The following ROBO2 variants were observed in gnomAD, a reference collection of about 807,000 sequenced individuals.
ROBO2 encodes the protein roundabout guidance receptor 2, also known as roundabout homolog 2.
A neutral mutation model predicts 160.8 loss-of-function variants in ROBO2; 53 were observed. The observed-to-expected ratio is 0.33, with a 90% CI of 0.26 to 0.41. The LOEUF (loss-of-function observed/expected upper bound fraction) is 0.41, where lower values mean the gene tolerates loss of function less well. Among genes scored for constraint, ROBO2 ranks in the 10% least tolerant of loss-of-function variants. The pLI is 1.00. For missense variants in ROBO2, 1,577 were observed against 1,722.4 expected (o/e 0.92, Z 1.49); for synonymous variants, 664 against 611.7 (o/e 1.09, Z -1.26).
At chr3:76,161,773 C>G (rs989404205) in intron 2 of ROBO2, among the ~76,000 whole-genome samples, 3 of 152,104 alleles carry the variant, frequency 2.0e-5, no homozygotes, top group Non-Finnish European at 2.9e-5. Context: ...AAAATTTATT[C>G]CATTTCACCA....
At chr3:77,505,436 G>A (rs942756649) in intron 5 of ROBO2, among the ~76,000 whole-genome samples, 1 of 152,070 alleles carries the variant, frequency 6.6e-6, no homozygotes, top group African/African-American at 2.4e-5. Flanking sequence ...TGGTCAAAAG[G>A]TGGTGTGTTC....
chr3:76,868,931 CT>C (rs1366878126), intron 2 of ROBO2, among the ~76,000 whole-genome samples: 1 of 152,012 alleles, frequency 6.6e-6, no homozygotes, highest in East Asian at 1.9e-4. Flanking sequence ...ACCAGAATAA[CT>C]TTTTTCAGAA....
At chr3:76,641,856 G>C (rs1355276657) in intron 2 of ROBO2, among the ~76,000 whole-genome samples, 2 of 152,072 alleles carry the variant, frequency 1.3e-5, no homozygotes, top group African/African-American at 4.8e-5. Flanking sequence ...TCCCACCTCA[G>C]CCTCCCGAGC....
intron 2 of ROBO2, among the ~76,000 whole-genome samples, chr3:76,589,541 G>C (rs565464208): frequency 1.3e-5 from 2 of 152,264 alleles, no homozygotes; most frequent in Admixed American, 6.5e-5. Context: ...TGTTGCACAA[G>C]TAGAGACACA....
intron 2 of ROBO2, among the ~76,000 whole-genome samples, chr3:76,368,660 T>C (rs2108460204): frequency 6.6e-6 from 1 of 152,164 alleles, no homozygotes; most frequent in East Asian, 1.9e-4. Flanking sequence ...AGCTGCCTAT[T>C]TCTTAAGACC....
chr3:77,112,523 C>A (rs948087488), intron 2 of ROBO2, among the ~76,000 whole-genome samples: 1 of 151,934 alleles, frequency 6.6e-6, no homozygotes, highest in Non-Finnish European at 1.5e-5. Context: ...GGATTACAGG[C>A]GTGAGCCACC....
chr3:75,931,540 T>C (rs914250476), intron 1 of ROBO2, among the ~76,000 whole-genome samples: 4 of 152,008 alleles, frequency 2.6e-5, no homozygotes, highest in East Asian at 3.9e-4. Context: ...TTAGTAGAGA[T>C]GGGGTTTTGC....
intron 2 of ROBO2, among the ~76,000 whole-genome samples, chr3:76,436,218 T>C (rs1428454197): frequency 6.6e-6 from 1 of 152,118 alleles, no homozygotes; most frequent in African/African-American, 2.4e-5. Context: ...TTTATTATTA[T>C]ACTTTAAGTT....
chr3:76,320,029 C>A (rs1222479390), intron 2 of ROBO2, among the ~76,000 whole-genome samples: 2 of 151,828 alleles, frequency 1.3e-5, no homozygotes, highest in African/African-American at 4.8e-5. Flanking sequence ...TGGTTTATAC[C>A]TAACAGATTT....
chr3:77,546,175 T>C (rs571625148), intron 6 of ROBO2, among the ~76,000 whole-genome samples, 163 bp from the exon 8 acceptor site: 1 of 152,166 alleles, frequency 6.6e-6, no homozygotes, highest in Non-Finnish European at 1.5e-5. Context: ...GGATTGAATA[T>C]AATGTCTTTC....
At chr3:77,410,907 G>C (rs2153521894) in intron 2 of ROBO2, among the ~76,000 whole-genome samples, 1 of 151,552 alleles carries the variant, frequency 6.6e-6, no homozygotes, top group African/African-American at 2.4e-5. Context: ...GGGCTCAAGG[G>C]ATCCTCCTGC....
intron 2 of ROBO2, among the ~76,000 whole-genome samples, chr3:76,946,170 TA>T (rs1304889325): frequency 1.3e-5 from 2 of 152,196 alleles, no homozygotes; most frequent in Non-Finnish European, 2.9e-5. Context: ...TTTGCCTGAG[TA>T]AAACAAAGTT....
chr3:76,733,780 C>G (rs1419487628), intron 2 of ROBO2, among the ~76,000 whole-genome samples: 1 of 152,052 alleles, frequency 6.6e-6, no homozygotes, highest in Non-Finnish European at 1.5e-5. Flanking sequence ...TTAGTCAATT[C>G]AGGCTTCTAT....
chr3:76,125,971 C>A (rs374788806), intron 2 of ROBO2, among the ~76,000 whole-genome samples: 1 of 152,104 alleles, frequency 6.6e-6, no homozygotes, highest in Non-Finnish European at 1.5e-5. Context: ...GGATGACAGG[C>A]GCGTGCCACC....
At chr3:77,628,178 C>A (rs973713042) in intron 23 of ROBO2, among the ~76,000 whole-genome samples, 1 of 151,698 alleles carries the variant, frequency 6.6e-6, no homozygotes, top group East Asian at 1.9e-4. Context: ...ATTTGGCTAT[C>A]TAACATAAAT....
chr3:76,434,474 G>C, intron 2 of ROBO2: 1 of 1,550,214 alleles, frequency 6.5e-7, no homozygotes, highest in Non-Finnish European at 8.9e-7. Context: ...AATGAATGAT[G>C]CTGCCATGTT....
chr3:76,011,252 C>T (rs1469125413), intron 2 of ROBO2, among the ~76,000 whole-genome samples: 2 of 152,088 alleles, frequency 1.3e-5, no homozygotes, highest in Non-Finnish European at 1.5e-5. Context: ...AAAATTCCCG[C>T]GATCACTTCA....
chr3:76,869,284 C>A (rs1231992209), intron 2 of ROBO2, among the ~76,000 whole-genome samples: 1 of 149,652 alleles, frequency 6.7e-6, no homozygotes, highest in Non-Finnish European at 1.5e-5. Context: ...CATATTTTCG[C>A]AACAAATGGA....
At chr3:77,473,136 A>G (rs532552456) in intron 2 of ROBO2, among the ~76,000 whole-genome samples, 1 of 152,134 alleles carries the variant, frequency 6.6e-6, no homozygotes, top group South Asian at 2.1e-4. Flanking sequence ...TGATTCCCAC[A>G]GGGTTTAGAG....
Sources: gnomAD v4.1 joint callset for allele counts (sites outside exome capture counted in the v4.1 genomes callset) on GRCh38, gnomAD v4.1.1 for gene constraint, MANE v1.5 for transcripts, NCBI Gene and HGNC (gene_info 2026-07-23, HGNC 2026-07-21) for gene names.